The following TRANK1 variants were observed in gnomAD, a reference collection of about 807,000 sequenced individuals.
TRANK1 encodes TPR and ankyrin repeat-containing protein 1.
In TRANK1, 198 loss-of-function variants were observed where a neutral mutation model predicts 266.0. The ratio of observed to expected loss-of-function variants is 0.74; its 90% confidence interval spans 0.66 to 0.84. The LOEUF is 0.84. Ranked by LOEUF, TRANK1 falls within the 40% of genes least tolerant of loss-of-function variation. TRANK1 has a pLI of 0.00. For synonymous variants in TRANK1, 1,396 were observed against 1,384.1 expected, an observed-to-expected ratio of 1.01 and a Z score of -0.19; for missense variants, 3,326 against 3,634.6, an observed-to-expected ratio of 0.92 and a Z score of 2.18.
rs767267092 is a variant in TRANK1, at chr3:36,830,939, G to GCACATCAA, written c.8643_8644insTTGATGTG (p.Gln2882LeufsTer30). ...TCCGAAACCCTCTTGATGTGCTCCT[G>GCACATCAA]GACCTTCTGCAGCATGTGGCTGTGC... On this transcript the variant is annotated frameshift_variant, in exon 22 of 24. Coordinates refer to ENST00000645898, the MANE Select transcript of TRANK1 (RefSeq NM_001329998.2). LOFTEE classifies it high-confidence loss of function. 10 of 1,613,944 alleles carry GCACATCAA rather than the reference G, an allele frequency of 6.2e-6. No homozygotes were observed. The highest frequency in any genetic ancestry group is 8.5e-6 in the Non-Finnish European group (10 of 1,179,866).
chr3:36,893,024 C>A, intron 5 of TRANK1, 40 bp from the exon 6 acceptor site: 1 of 1,284,630 alleles, frequency 7.8e-7, no homozygotes, highest in South Asian at 1.5e-5. Context: ...TAATAATGTT[C>A]TCCACATAGG....
intron 8 of TRANK1, among the ~76,000 whole-genome samples, chr3:36,875,028 T>G (rs900733967): frequency 1.3e-5 from 2 of 151,290 alleles, no homozygotes; most frequent in African/African-American, 4.9e-5. Flanking sequence ...AAAAAAGAAT[T>G]AAGTCATATT....
Position 36,831,455 on chromosome 3 carries a change from G to C in TRANK1, c.8128C>G (p.Leu2710Val), listed in dbSNP as rs1444560455. Reference protein sequence around the residue: ...EDRDHVLATILSQKQRKASIQ... With the variant: ...EDRDHVLATIVSQKQRKASIQ... The stretch of plus-strand genomic sequence containing the variant: ...GAGGCCTTCCGTTGCTTTTGGGAAA[G>C]AATGGTGGCCAGGACGTGGTCTCGG... Residue 2710 changes from leucine (L) to valine (V), a missense_variant, in exon 22 of 24, where the codon CTT (leucine) becomes GTT (valine). By Grantham distance (32) the Leu-to-Val change is conservative. Transcript: ENST00000645898. The surrounding 1 kb of genome is among the most constrained non-coding windows in gnomAD (Gnocchi z 5.0). 6.2e-7 allele frequency: 1 copy of C among 1,613,044 alleles called. No homozygotes were observed. Among genetic ancestry groups the C allele is most frequent in the Non-Finnish European group, 8.5e-7 (1 of 1,179,586 alleles).
intron 9 of TRANK1, among the ~76,000 whole-genome samples, chr3:36,867,899 C>T (rs981002914): frequency 6.6e-6 from 1 of 152,220 alleles, no homozygotes; most frequent in Non-Finnish European, 1.5e-5. Context: ...GGAGTTTGCA[C>T]GTTCTTCCCA....
chr3:36,913,909 C>G (rs1202713951), intron 1 of TRANK1, among the ~76,000 whole-genome samples: 1 of 152,102 alleles, frequency 6.6e-6, no homozygotes, highest in African/African-American at 2.4e-5. Context: ...TTATCCCCTT[C>G]GCCCATCAAC....
At chr3:36,851,246 T>A in intron 15 of TRANK1, 2 of 986,364 alleles carry the variant, frequency 2.0e-6, no homozygotes, top group South Asian at 9.4e-5. Flanking sequence ...AAGCTGTTCT[T>A]GTCCCCCACA....
intron 2 of TRANK1, among the ~76,000 whole-genome samples, chr3:36,906,262 G>A (rs1045916721): frequency 6.6e-6 from 1 of 152,136 alleles, no homozygotes; most frequent in Admixed American, 6.5e-5. Flanking sequence ...AGGTGGAGCC[G>A]TGTTTCAGTA....
chr3:36,864,341 C>G lies in TRANK1; in HGVS notation c.1218G>C (p.Leu406Phe), dbSNP rs1465238928. The change falls in exon 10 of 24, where the codon TTG (leucine) becomes TTC (phenylalanine). Residue 406 changes from leucine (L) to phenylalanine (F), a missense_variant. By Grantham distance (22) the Leu-to-Phe change is conservative. Transcript: ENST00000645898. The part of the protein sequence containing the change: ...FLKQEVVQRF[L>F]RLLSTLQEIP... Reference sequence around the variant, plus strand: ...TACCTTGCAGAGTAGAAAGGAGACGCAAGAACCTCTGAACTACTTCCTGCT... The same window carrying G: ...TACCTTGCAGAGTAGAAAGGAGACGGAAGAACCTCTGAACTACTTCCTGCT... The G allele has an allele frequency of 1.3e-6, 2 of 1,533,806 alleles. No individual in the cohort carries two copies. The highest frequency in any genetic ancestry group is 1.7e-6 in the Non-Finnish European group (2 of 1,145,620).
chr3:36,882,827 C>T (rs2079550013), intron 8 of TRANK1, among the ~76,000 whole-genome samples: 1 of 152,108 alleles, frequency 6.6e-6, no homozygotes, highest in South Asian at 2.1e-4. Context: ...GAGACATGAA[C>T]ATATAATTCA....
Position 36,847,255 on chromosome 3 carries a change from T to C in TRANK1, c.4979A>G (p.Asp1660Gly). ...TCGACCCTGAGAAGAGCCTGGTTTG[T>C]CCAGGGGTACTTCAACCAATGGCCG... ...ENRPLVEVPL[D>G]KPGSSQGRSL... is the part of the protein sequence containing the mutation. The change falls in exon 16 of 24, where the codon GAC becomes GGC. Residue 1660 changes from aspartate to glycine, a missense_variant. Transcript: ENST00000645898. 6.2e-7 allele frequency: 1 copy of C among 1,613,606 alleles called. No individual in the cohort carries two copies. Among genetic ancestry groups the C allele is most frequent in the South Asian group, 1.1e-5 (1 of 90,984 alleles).
chr3:36,941,730 T>C (rs1299532601), intron 1 of TRANK1, among the ~76,000 whole-genome samples: 1 of 152,228 alleles, frequency 6.6e-6, no homozygotes, highest in Non-Finnish European at 1.5e-5. Flanking sequence ...CCAGCCCGAC[T>C]ATCAGTCTTT....
chr3:36,869,836 A>G (rs2079280142), intron 9 of TRANK1, among the ~76,000 whole-genome samples: 1 of 152,268 alleles, frequency 6.6e-6, no homozygotes, highest in Non-Finnish European at 1.5e-5. Flanking sequence ...CTCAACAGTC[A>G]CATGTGACGA....
chr3:36,892,666 C>CA (rs2079718415), intron 6 of TRANK1, among the ~76,000 whole-genome samples: 1 of 151,824 alleles, frequency 6.6e-6, no homozygotes, highest in African/African-American at 2.4e-5. Flanking sequence ...CCATCTTTAC[C>CA]AAAAAATACA....
intron 1 of TRANK1, among the ~76,000 whole-genome samples, chr3:36,927,751 CCAGA>C (rs2080307937): frequency 1.3e-5 from 2 of 152,152 alleles, no homozygotes; most frequent in Non-Finnish European, 2.9e-5. Context: ...GAATAATAAG[CCAGA>C]TGCAACATCT....
Position 36,856,946 on chromosome 3 carries a change from A to C in TRANK1, c.2776T>G (p.Cys926Gly). Residue 926 changes from cysteine (C) to glycine (G), a missense_variant, in exon 13 of 24, where the codon TGT becomes GGT. By Grantham distance (159) the Cys-to-Gly change is radical (BLOSUM62 -3). Transcript: ENST00000645898. ...EKIIATEQNT[C>G]AMEKSGRIYT... ...ATCCGCCCTGATTTCTCCATTGCAC[A>C]CGTGTTCTGCTCCGTGGCAATGATC... 1 of 1,613,604 alleles carries C rather than the reference A, an allele frequency of 6.2e-7. No homozygotes were observed. Among genetic ancestry groups the C allele is most frequent in the South Asian group, 1.1e-5 (1 of 91,020 alleles).
intron 1 of TRANK1, among the ~76,000 whole-genome samples, chr3:36,928,959 A>G (rs558912169): frequency 2.6e-5 from 4 of 152,278 alleles, no homozygotes; most frequent in Admixed American, 6.5e-5. Context: ...GCAGCTGTCA[A>G]GGTTATCTAA....
chr3:36,832,562 A>G lies in TRANK1; in HGVS notation c.7021T>C (p.Ser2341Pro), dbSNP rs1365942065. ...TTTTCAAACTCCTCCGGGTAGTTGGAAGAGAGAAGGAAAGCTTGCATGGCA... is the reference window on the plus strand; with the variant it reads ...TTTTCAAACTCCTCCGGGTAGTTGGGAGAGAGAAGGAAAGCTTGCATGGCA... ...LSAMQAFLLS[S>P]NYPEEFEKLL... Residue 2341 changes from serine to proline, a missense_variant, in exon 22 of 24, where the codon TCC becomes CCC. Coordinates refer to ENST00000645898, the MANE Select transcript of TRANK1 (RefSeq NM_001329998.2). 2 of 1,613,916 alleles carry G rather than the reference A, an allele frequency of 1.2e-6. No individual in the cohort carries two copies. The highest frequency in any genetic ancestry group is 1.1e-5 in the South Asian group (1 of 91,078).
chr3:36,928,011 TG>T (rs2080311952), intron 1 of TRANK1, among the ~76,000 whole-genome samples: 2 of 152,212 alleles, frequency 1.3e-5, no homozygotes, highest in Non-Finnish European at 2.9e-5. Context: ...ATATAGAATG[TG>T]GGGTCACAGG....
At chr3:36,908,171 C>T (rs1341838718) in intron 2 of TRANK1, among the ~76,000 whole-genome samples, 152 bp downstream of exon 2, 1 of 152,116 alleles carries the variant, frequency 6.6e-6, no homozygotes, top group Non-Finnish European at 1.5e-5. Context: ...TCCCTGTTCA[C>T]TTCTAAGCTG....
Sources: gnomAD v4.1 joint callset for allele counts (sites outside exome capture counted in the v4.1 genomes callset) on GRCh38, gnomAD v4.1.1 for gene constraint, Gnocchi (gnomAD v3.1) non-coding constraint, MANE v1.5 for transcripts, NCBI Gene and HGNC (gene_info 2026-07-23, HGNC 2026-07-21) for gene names.